The following PEAK1 variants were observed in gnomAD, a reference collection of about 807,000 sequenced individuals.
PEAK1 encodes inactive tyrosine-protein kinase PEAK1.
A neutral mutation model predicts 124.7 loss-of-function variants in PEAK1; 54 were observed. The observed-to-expected ratio is 0.43, with a 90% CI of 0.35 to 0.54. The LOEUF is 0.54. Among genes scored for constraint, PEAK1 ranks in the 20% least tolerant of loss-of-function variants. The probability of loss-of-function intolerance (pLI) is 0.01; values close to 1 mark genes in which losing one functional copy is unlikely to be tolerated. For missense variants in PEAK1, 2,046 were observed against 2,134.5 expected, an observed-to-expected ratio of 0.96 and a Z score of 0.82; for synonymous variants, 719 against 760.0, an observed-to-expected ratio of 0.95 and a Z score of 0.89.
intron 1 of PEAK1, among the ~76,000 whole-genome samples, chr15:77,410,101 C>T (rs1411811455): frequency 2.3e-4 from 33 of 144,400 alleles, no homozygotes; most frequent in African/African-American, 8.0e-4. Context: ...GACAGAGTTT[C>T]GCTCTTTTTG....
intron 8 of PEAK1, chr15:77,157,636 A>T (rs893801284): frequency 1.3e-5 from 2 of 152,150 alleles, no homozygotes; most frequent in Non-Finnish European, 2.9e-5. Context: ...AATAACAGGG[A>T]TCTTTACTTT....
In PEAK1 at chr15:77,314,834, C is replaced by G. The variant is rs139345517; in HGVS notation, c.-602-28330G>C. The stretch of plus-strand genomic sequence containing the variant: ...GACATACTTTTGCTTTCCGTAGTTT[C>G]ATGTAAAGAAAAAAACTTGAAAATA... On this transcript the variant is annotated intron_variant, in intron 2 of 9. Coordinates refer to ENST00000682557, the MANE Select transcript of PEAK1 (RefSeq NM_001385026.1). Among the ~76,000 whole-genome samples, 730 of 152,122 alleles carry G rather than the reference C, an allele frequency of 4.8e-3. 4 individuals carry two copies. Among genetic ancestry groups the G allele is most frequent in the African/African-American group, 0.016 (676 of 41,490 alleles).
At position 77,251,960 on chromosome 15, in the gene PEAK1, G is replaced by A. The variant is rs74435808; in HGVS notation, c.-115+407C>T. Among the ~76,000 whole-genome samples the A allele has an allele frequency of 7.2e-5, 11 of 152,348 alleles. No homozygotes were observed. In the East Asian group the frequency reaches 2.1e-3, roughly 29 times the overall value. On this transcript the variant is annotated intron_variant, in intron 6 of 9. Coordinates refer to ENST00000682557, the MANE Select transcript of PEAK1 (RefSeq NM_001385026.1). ...CCTGCTCTGCAGGAGCAGTCAAAGA[G>A]CTGTGATACCACTGGAGCTGTAACA...
At chr15:77,355,523 C>T (rs2067466710) in intron 2 of PEAK1, among the ~76,000 whole-genome samples, 2 of 152,092 alleles carry the variant, frequency 1.3e-5, no homozygotes, top group African/African-American at 2.4e-5. Flanking sequence ...ATTTTGGCCC[C>T]GCCTACTCAA....
At chr15:77,412,455 G>A (rs1409884356) in intron 1 of PEAK1, among the ~76,000 whole-genome samples, 1 of 152,156 alleles carries the variant, frequency 6.6e-6, no homozygotes, top group African/African-American at 2.4e-5. Context: ...AAACCTTGGA[G>A]TGATCCATTA....
At chr15:77,222,911 G>A (rs1264672434) in intron 6 of PEAK1, among the ~76,000 whole-genome samples, 2 of 152,040 alleles carry the variant, frequency 1.3e-5, no homozygotes, top group Non-Finnish European at 2.9e-5. Flanking sequence ...CAGGTAACAA[G>A]GACAACTCTT....
chr15:77,329,955 A>T (rs2065801054), intron 2 of PEAK1, among the ~76,000 whole-genome samples: 1 of 152,204 alleles, frequency 6.6e-6, no homozygotes, highest in African/African-American at 2.4e-5. Flanking sequence ...TTCTAATTTA[A>T]GAGCTGGACC....
intron 1 of PEAK1, among the ~76,000 whole-genome samples, chr15:77,369,349 G>T (rs144853364): frequency 1.3e-5 from 2 of 152,182 alleles, no homozygotes; most frequent in African/African-American, 4.8e-5. Context: ...TTAGCTTCTC[G>T]ACCCTTAGAA....
intron 6 of PEAK1, among the ~76,000 whole-genome samples, chr15:77,239,386 T>A (rs780842776): frequency 6.6e-6 from 1 of 152,058 alleles, no homozygotes; most frequent in Admixed American, 6.6e-5. Flanking sequence ...AAACTGCAGG[T>A]TAGGGATCAG....
intron 1 of PEAK1, among the ~76,000 whole-genome samples, chr15:77,416,509 T>C (rs914743656): frequency 6.6e-6 from 1 of 152,232 alleles, no homozygotes; most frequent in Non-Finnish European, 1.5e-5. Context: ...ACTGTCAAAA[T>C]GACAGGTCTA....
In PEAK1 at chr15:77,291,875, G is replaced by A. The variant is rs376244090; in HGVS notation, c.-602-5371C>T. 1.2e-4 allele frequency among the ~76,000 whole-genome samples: 18 copies of A among 151,562 alleles called. 2 individuals are homozygous for A. The highest frequency in any genetic ancestry group is 7.8e-4 in the East Asian group (4 of 5,134). ...GCCTGTAGTCCCCGCTACTCAGGAGGCTGAGGCAGGAGAATGGCGTGAACC... is the reference window on the plus strand; with the variant it reads ...GCCTGTAGTCCCCGCTACTCAGGAGACTGAGGCAGGAGAATGGCGTGAACC... On this transcript the variant is annotated intron_variant, in intron 2 of 9. Transcript: ENST00000682557.
intron 1 of PEAK1, chr15:77,418,790 C>A (rs2073099458): frequency 1.0e-6 from 1 of 985,216 alleles, no homozygotes; most frequent in Non-Finnish European, 1.2e-6. Flanking sequence ...TATGGGTTCT[C>A]TGACTATACA....
rs191469389 is a variant in PEAK1, at chr15:77,158,669, A to G, written c.3165T>C (p.Asp1055=). 31 of 1,614,006 alleles carry G rather than the reference A, an allele frequency of 1.9e-5. No homozygotes were observed. In the East Asian group the frequency reaches 6.5e-4, roughly 34 times the overall value. Residue 1055 remains aspartate, a synonymous_variant, in exon 8 of 10, where the codon GAT becomes GAC. Coordinates refer to ENST00000682557, the MANE Select transcript of PEAK1 (RefSeq NM_001385026.1). The part of the protein sequence containing the change: ...LSHMTHEVTE[D]FSPRDPRTVV... ...CAGTTCTTGGATCCCGAGGAGAAAA[A>G]TCCTCTGTTACTTCATGGGTCATGT...
At chr15:77,417,444 TGGGGGGATGCGGGGCGGGGGGGGA>T (rs2142193387) in intron 1 of PEAK1, 1 of 242,206 alleles carries the variant, frequency 4.1e-6, no homozygotes, top group African/African-American at 1.5e-4. Flanking sequence ...GAGAGTGGGG[TGGGGGGATGCGGGGCGGGGGGGGA>T]GGGGGGCAAG....
rs543048964 is a variant in PEAK1, at chr15:77,295,041, A to G, written c.-602-8537T>C. Among the ~76,000 whole-genome samples the G allele has an allele frequency of 2.4e-3, 367 of 152,324 alleles. 2 individuals are homozygous for G. The highest frequency in any genetic ancestry group is 8.2e-3 in the African/African-American group (340 of 41,588). On this transcript the variant is annotated intron_variant, in intron 2 of 9. Transcript: ENST00000682557. ...TGGCACTGATGTAAGTCAAGGTCCTAAAGTACTTCTAAATTAAATCGAGTA... is the reference window on the plus strand; with the variant it reads ...TGGCACTGATGTAAGTCAAGGTCCTGAAGTACTTCTAAATTAAATCGAGTA...
chr15:77,210,004 A>G (rs1038256944), intron 6 of PEAK1, among the ~76,000 whole-genome samples: 6 of 152,212 alleles, frequency 3.9e-5, no homozygotes, highest in African/African-American at 1.2e-4. Context: ...TTCCCTTTCT[A>G]TGTATCCCTG....
chr15:77,317,372 CTTG>C (rs2064943314), intron 2 of PEAK1, among the ~76,000 whole-genome samples: 1 of 152,068 alleles, frequency 6.6e-6, no homozygotes, highest in Non-Finnish European at 1.5e-5. Context: ...AACTAAACAA[CTTG>C]TTATTATCAA....
At chr15:77,323,620 A>G (rs1258643659) in intron 2 of PEAK1, among the ~76,000 whole-genome samples, 2 of 152,220 alleles carry the variant, frequency 1.3e-5, no homozygotes, top group African/African-American at 4.8e-5. Flanking sequence ...ACCACTGCTC[A>G]ATGAAATTAA....
chr15:77,275,624 G>A lies in PEAK1; in HGVS notation c.-275+8259C>T, dbSNP rs1370485650. 4.6e-5 allele frequency among the ~76,000 whole-genome samples: 7 copies of A among 152,032 alleles called. No individual in the cohort carries two copies. The East Asian group carries it at 1.3e-3, about 29-fold the overall frequency. On this transcript the variant is annotated intron_variant, in intron 5 of 9. Coordinates refer to ENST00000682557, the MANE Select transcript of PEAK1 (RefSeq NM_001385026.1). The stretch of plus-strand genomic sequence containing the variant: ...CCAGCTACTCAGGAGGCTGAGGCAG[G>A]AGAATTGCTTGAACCCGGGAGACGG...
Sources: gnomAD v4.1 joint callset for allele counts (sites outside exome capture counted in the v4.1 genomes callset) on GRCh38, gnomAD v4.1.1 for gene constraint, MANE v1.5 for transcripts, NCBI Gene and HGNC (gene_info 2026-07-23, HGNC 2026-07-21) for gene names.